Variants in MPP7 observed in about 807,000 individuals in gnomAD.
The protein encoded by MPP7 is MAGUK p55 scaffold protein 7.
Under a neutral mutation model 76.5 loss-of-function variants are expected in MPP7, and 60 were observed. That is an observed-to-expected ratio of 0.78 (90% CI 0.64 to 0.97). The LOEUF (loss-of-function observed/expected upper bound fraction) is 0.97, where lower values mean the gene tolerates loss of function less well. MPP7 is among the 50% of genes least tolerant of loss of function. The pLI is 0.00. For missense variants in MPP7, 641 were observed against 694.0 expected, an observed-to-expected ratio of 0.92 and a Z score of 0.86; for synonymous variants, 237 against 244.5, an observed-to-expected ratio of 0.97 and a Z score of 0.29.
chr10:28,092,593 G>GTTTTTTTTTTTT, intron 11 of MPP7, among the ~76,000 whole-genome samples: 1 of 65,470 alleles, frequency 1.5e-5, no homozygotes, highest in African/African-American at 1.0e-4. Flanking sequence ...TTTTTTTTGA[G>GTTTTTTTTTTTT]ACAGGGACTG....
At chr10:28,195,991 C>T (rs763585660) in intron 3 of MPP7, among the ~76,000 whole-genome samples, 2 of 152,094 alleles carry the variant, frequency 1.3e-5, no homozygotes, top group Non-Finnish European at 2.9e-5. Context: ...ACCTTCTAAA[C>T]GTTGATGACT....
intron 1 of MPP7, among the ~76,000 whole-genome samples, chr10:28,271,098 G>A (rs573463076): frequency 2.6e-5 from 4 of 152,176 alleles, no homozygotes; most frequent in South Asian, 2.1e-4. Context: ...TGCATAATTC[G>A]AAACAATACA....
At chr10:28,107,908 T>C (rs1431220644) in intron 11 of MPP7, among the ~76,000 whole-genome samples, 1 of 152,240 alleles carries the variant, frequency 6.6e-6, no homozygotes, top group Non-Finnish European at 1.5e-5. Context: ...ACCGGGTATC[T>C]GGCACACTGT....
chr10:28,202,963 A>T (rs1438828630), intron 2 of MPP7: 1 of 151,950 alleles, frequency 6.6e-6, no homozygotes, highest in Non-Finnish European at 1.5e-5. Flanking sequence ...CTAGGGGCAG[A>T]CAGTAGTGCA....
intron 13 of MPP7, among the ~76,000 whole-genome samples, chr10:28,061,402 C>T (rs1221745156): frequency 6.6e-6 from 1 of 150,590 alleles, no homozygotes; most frequent in Non-Finnish European, 1.5e-5. Flanking sequence ...TAAAAATATC[C>T]AACAGAAACA....
intron 2 of MPP7, 123 bp from the exon 3 acceptor site, chr10:28,202,394 A>G: frequency 1.6e-6 from 1 of 626,750 alleles, no homozygotes; most frequent in South Asian, 2.2e-5. Flanking sequence ...CGGGCCATCA[A>G]GCTAAACACT....
chr10:28,128,467 A>G (rs900141486), intron 6 of MPP7, among the ~76,000 whole-genome samples: 4 of 152,184 alleles, frequency 2.6e-5, no homozygotes, highest in Non-Finnish European at 5.9e-5. Context: ...TCTGCACAGT[A>G]ATTCAAGGGA....
chr10:28,276,970 A>G lies in MPP7; in HGVS notation c.-132+25891T>C, dbSNP rs949173274. Among the ~76,000 whole-genome samples the G allele has an allele frequency of 1.3e-5, 2 of 151,984 alleles. 1 individual carries two copies. The highest frequency in any genetic ancestry group is 4.8e-5 in the African/African-American group (2 of 41,272). On this transcript the variant is annotated intron_variant, in intron 1 of 16. Transcript: ENST00000683449. ...CACTTTGGGAAGCCAAAGCAGGAAG[A>G]TCACTTGAGCCCAGGAGTTTGAGAC...
At chr10:28,212,066 T>C (rs1257871155) in intron 2 of MPP7, among the ~76,000 whole-genome samples, 2 of 151,860 alleles carry the variant, frequency 1.3e-5, no homozygotes, top group East Asian at 1.9e-4. Context: ...TGAGCCATGA[T>C]TGCACCACTG....
In MPP7 at chr10:28,143,610, T is replaced by C. The variant is rs1835600959; in HGVS notation, c.315+3873A>G. Among the ~76,000 whole-genome samples the C allele has an allele frequency of 2.1e-5, 3 of 141,184 alleles. No homozygotes were observed. In the South Asian group the frequency reaches 6.9e-4, roughly 32 times the overall value. 92.6% of individuals were successfully genotyped at this position (141,184 alleles called of 152,430 possible). ...GTGGATCAAATGCTTTTCTATTCCA[T>C]GATAACATAACTTACAAATTTTCTT... On this transcript the variant is annotated intron_variant, in intron 5 of 16. Coordinates refer to ENST00000683449, the MANE Select transcript of MPP7 (RefSeq NM_001318170.2).
chr10:28,270,088 T>C (rs1840273024), intron 1 of MPP7, among the ~76,000 whole-genome samples: 1 of 152,136 alleles, frequency 6.6e-6, no homozygotes. Flanking sequence ...CGGCTTCACA[T>C]GCAATGACTT....
intron 1 of MPP7, among the ~76,000 whole-genome samples, chr10:28,253,313 A>G (rs971166348): frequency 1.3e-5 from 2 of 152,046 alleles, no homozygotes; most frequent in African/African-American, 2.4e-5. Flanking sequence ...GCCAAATATG[A>G]GCTGGGGAGT....
chr10:28,066,985 T>A (rs1283753715), intron 13 of MPP7, among the ~76,000 whole-genome samples: 1 of 152,196 alleles, frequency 6.6e-6, no homozygotes, highest in Non-Finnish European at 1.5e-5. Context: ...TCTGAGCTCT[T>A]ATGAATAATG....
At chr10:28,281,261 G>A (rs965942207) in intron 1 of MPP7, among the ~76,000 whole-genome samples, 5 of 151,938 alleles carry the variant, frequency 3.3e-5, no homozygotes, top group African/African-American at 9.7e-5. Context: ...TGTATTTTTT[G>A]TATTTTTAGT....
intron 1 of MPP7, among the ~76,000 whole-genome samples, chr10:28,294,539 TG>T (rs1464905515): frequency 6.6e-6 from 1 of 152,218 alleles, no homozygotes; most frequent in African/African-American, 2.4e-5. Context: ...TCGATATGAA[TG>T]TGCTATGCCT....
intron 1 of MPP7, among the ~76,000 whole-genome samples, chr10:28,258,458 G>A (rs1360142197): frequency 6.7e-6 from 1 of 149,060 alleles, no homozygotes; most frequent in African/African-American, 2.5e-5. Context: ...AGAGTGCAGT[G>A]GCATGATCTC....
chr10:28,147,465 G>C lies in MPP7; in HGVS notation c.315+18C>G. Reference sequence around the variant, plus strand: ...GCCCTGTTTGAAGGTATTTATTACCGGCGTAACATGTCCTCACCTTCACAT... The same window carrying C: ...GCCCTGTTTGAAGGTATTTATTACCCGCGTAACATGTCCTCACCTTCACAT... On this transcript the variant is annotated intron_variant, in intron 5 of 16. Coordinates refer to ENST00000683449, the MANE Select transcript of MPP7 (RefSeq NM_001318170.2). 1.9e-6 allele frequency: 3 copies of C among 1,602,178 alleles called. No individual in the cohort carries two copies. The highest frequency in any genetic ancestry group is 2.6e-6 in the Non-Finnish European group (3 of 1,169,100).
Position 28,054,008 on chromosome 10 carries a change from G to A in MPP7, c.*57C>T. On this transcript the variant is annotated 3_prime_UTR_variant, in exon 17 of 17. Transcript: ENST00000683449. ...ATTTAAAAACCCTACTACCAAAACT[G>A]TAATTGATTTCATCATGCACTCTAT... is the stretch of plus-strand genomic sequence containing the variant. 2 of 1,329,004 alleles carry A rather than the reference G, an allele frequency of 1.5e-6. No individual in the cohort carries two copies. Among genetic ancestry groups the A allele is most frequent in the Non-Finnish European group, 2.1e-6 (2 of 937,176 alleles). The allele number at this position is 1,329,004 out of a possible 1,614,324, so 82.3% of individuals were successfully genotyped here.
In MPP7 at chr10:28,238,622, C is replaced by T; in HGVS notation, c.-18G>A. On this transcript the variant is annotated 5_prime_UTR_variant, in exon 2 of 17. Transcript: ENST00000683449. ...GCTGGCATGATGCAAGGTGTAGGAA[C>T]AGGTCAGCCCACCGCTCTCCGGACA... 1 of 1,614,108 alleles carries T rather than the reference C, an allele frequency of 6.2e-7. No individual in the cohort carries two copies. The highest frequency in any genetic ancestry group is 8.5e-7 in the Non-Finnish European group (1 of 1,179,970).
Sources: gnomAD v4.1 joint callset for allele counts (sites outside exome capture counted in the v4.1 genomes callset) on GRCh38, gnomAD v4.1.1 for gene constraint, MANE v1.5 for transcripts, NCBI Gene and HGNC (gene_info 2026-07-23, HGNC 2026-07-21) for gene names.